The following MROH2B variants were observed in gnomAD, a reference collection of about 807,000 sequenced individuals.
MROH2B encodes maestro heat-like repeat-containing protein family member 2B.
Under a neutral mutation model 208.6 loss-of-function variants are expected in MROH2B, and 177 were observed. The ratio of observed to expected loss-of-function variants is 0.85; its 90% confidence interval spans 0.75 to 0.96. The LOEUF (loss-of-function observed/expected upper bound fraction) is 0.96, where lower values mean the gene tolerates loss of function less well. Ranked by LOEUF, MROH2B falls within the 40% of genes least tolerant of loss-of-function variation. The pLI, the probability that MROH2B is intolerant of heterozygous loss-of-function variation, is 0.00. For missense variants in MROH2B, 2,002 were observed against 1,878.7 expected, an observed-to-expected ratio of 1.07 and a Z score of -1.21; for synonymous variants, 728 against 659.0, an observed-to-expected ratio of 1.10 and a Z score of -1.60.
intron 35 of MROH2B, 110 bp downstream of exon 35, chr5:41,005,421 C>CCT: frequency 4.6e-6 from 1 of 216,650 alleles, no homozygotes; most frequent in South Asian, 4.5e-5. Context: ...AAACCCCCCC[C>CCT]CCCCTTGAAG....
rs1266216138 is a variant in MROH2B, at chr5:41,055,940, GAAGATTATCC to G, written c.920-95_920-86del. ...GAATGGGAGGAGGGAAATTCACCAT[GAAGATTATCC>G]AAGGCACTCTTCAGTTGGTAATTTG... On this transcript the variant is annotated intron_variant, in intron 9 of 41. Transcript: ENST00000399564. 6.4e-6 allele frequency: 6 copies of G among 930,654 alleles called. No homozygotes were observed. In the East Asian group the frequency reaches 1.4e-4, roughly 22 times the overall value. The allele number at this position is 930,654 out of a possible 1,614,324, so 57.6% of individuals were successfully genotyped here. A position where few individuals can be genotyped will look rare whatever the true frequency, so the allele number is the denominator to read the frequency against.
chr5:41,049,366 C>A lies in MROH2B; in HGVS notation c.1415G>T (p.Ser472Ile). 6.2e-7 allele frequency: 1 copy of A among 1,613,744 alleles called. No homozygotes were observed. The highest frequency in any genetic ancestry group is 1.7e-4 in the Middle Eastern group (1 of 6,056). The change falls in exon 14 of 42, where the codon AGT (serine) becomes ATT (isoleucine). Residue 472 changes from serine to isoleucine, a missense_variant. Physicochemically the swap from Ser to Ile is moderately radical, Grantham distance 142. Coordinates refer to ENST00000399564, the MANE Select transcript of MROH2B (RefSeq NM_173489.5). ...TGCCATAATCAGAATTCTGATGATA[C>A]TAAACAGGGGCTCCAGAGCTTCTGT... is the stretch of plus-strand genomic sequence containing the variant. The part of the protein sequence containing the change: ...EYTEALEPLF[S>I]IIRILIMAEE...
intron 3 of MROH2B, among the ~76,000 whole-genome samples, chr5:41,065,856 C>T (rs984554312): frequency 2.6e-5 from 4 of 152,174 alleles, no homozygotes; most frequent in African/African-American, 9.6e-5. Context: ...GCAGCCTGTT[C>T]TCTACTATAC....
chr5:41,022,409 G>A (rs1332395368), intron 24 of MROH2B, among the ~76,000 whole-genome samples: 5 of 152,308 alleles, frequency 3.3e-5, no homozygotes, highest in Non-Finnish European at 7.3e-5. Flanking sequence ...TATATCCCGC[G>A]CCTGGCTTGG....
rs1244693115 is a variant in MROH2B, at chr5:41,015,447, AC to A, written c.2915del (p.Gly972ValfsTer21). ...GIHLEVERLQ[G>X]LQEGLESDDV... ...CATCACTTTCCAGCCCTTCCTGCAA[AC>A]CCTGCAGTCTTTCCACTTCCAAGTG... On this transcript the variant is annotated frameshift_variant, in exon 29 of 42. Coordinates refer to ENST00000399564, the MANE Select transcript of MROH2B (RefSeq NM_173489.5). LOFTEE classifies it high-confidence loss of function. 2.5e-6 allele frequency: 4 copies of A among 1,613,536 alleles called. No homozygotes were observed. Among genetic ancestry groups the A allele is most frequent in the Non-Finnish European group, 3.4e-6 (4 of 1,179,660 alleles).
intron 24 of MROH2B, among the ~76,000 whole-genome samples, chr5:41,021,472 C>A (rs1561283765): frequency 1.3e-5 from 2 of 152,090 alleles, no homozygotes; most frequent in Non-Finnish European, 2.9e-5. Flanking sequence ...TCTAGAGACC[C>A]CAAATAGCCA....
At chr5:41,005,312 G>A in intron 35 of MROH2B, 1 of 542,328 alleles carries the variant, frequency 1.8e-6, no homozygotes, top group Non-Finnish European at 3.3e-6. Flanking sequence ...TCTGCCTTCT[G>A]CAAACTAGAG....
At chr5:41,061,267 T>C (rs1158243950) in intron 6 of MROH2B, among the ~76,000 whole-genome samples, 1 of 152,208 alleles carries the variant, frequency 6.6e-6, no homozygotes, top group Non-Finnish European at 1.5e-5. Flanking sequence ...TTATTGATTG[T>C]TCTTTCCACA....
intron 21 of MROH2B, 148 bp from the exon 22 acceptor site, chr5:41,034,012 G>A: frequency 8.0e-7 from 1 of 1,254,500 alleles, no homozygotes; most frequent in Non-Finnish European, 1.0e-6. Context: ...CCAAGGGGAG[G>A]GGGGCAATTC....
chr5:41,011,308 T>C (rs1208748395), intron 30 of MROH2B, among the ~76,000 whole-genome samples: 1 of 152,220 alleles, frequency 6.6e-6, no homozygotes, highest in Non-Finnish European at 1.5e-5. Flanking sequence ...CCATTTATGA[T>C]TACCACAGAT....
chr5:41,014,184 A>G (rs1023259531), intron 29 of MROH2B, among the ~76,000 whole-genome samples: 1 of 152,208 alleles, frequency 6.6e-6, no homozygotes, highest in African/African-American at 2.4e-5. Context: ...GAAAATTGCC[A>G]TAACACCAAT....
chr5:41,021,429 T>G (rs1466136136), intron 24 of MROH2B, among the ~76,000 whole-genome samples: 1 of 152,162 alleles, frequency 6.6e-6, no homozygotes, highest in Non-Finnish European at 1.5e-5. Context: ...TTTGTAGAAA[T>G]AGAAAAATTC....
chr5:41,046,211 T>C (rs1040375332), intron 17 of MROH2B, among the ~76,000 whole-genome samples: 7 of 151,534 alleles, frequency 4.6e-5, no homozygotes, highest in African/African-American at 1.7e-4. Flanking sequence ...TTGTTGATAT[T>C]AACTTAACTG....
In MROH2B at chr5:41,004,892, T is replaced by A. The variant is rs1262769875; in HGVS notation, c.3893A>T (p.His1298Leu). 6.2e-7 allele frequency: 1 copy of A among 1,613,990 alleles called. No individual in the cohort carries two copies. Residue 1298 changes from histidine (H) to leucine (L), a missense_variant, in exon 36 of 42, where the codon CAT becomes CTT. Transcript: ENST00000399564. ...GATCAGCACATTTCGCAGATTCCCA[T>A]GCTTCCAAAGGATTGGTTCCTTCAT... is the stretch of plus-strand genomic sequence containing the variant. ...ELMKEPILWK[H>L]GNLRNVLILM... is the part of the protein sequence containing the mutation.
chr5:41,070,975 A>G lies in MROH2B; in HGVS notation c.-123T>C, dbSNP rs1000979346. Reference sequence around the variant, plus strand: ...AGGTTCACATAAGCCTCTCTAAATGAAAGTGCCTCCTCCACTTGATTGGCA... The same window carrying G: ...AGGTTCACATAAGCCTCTCTAAATGGAAGTGCCTCCTCCACTTGATTGGCA... On this transcript the variant is annotated 5_prime_UTR_variant, in exon 1 of 42. Coordinates refer to ENST00000399564, the MANE Select transcript of MROH2B (RefSeq NM_173489.5). 3.8e-5 allele frequency: 35 copies of G among 922,924 alleles called. No homozygotes were observed. The Middle Eastern group carries it at 7.2e-4, about 19-fold the overall frequency. 57.2% of individuals were successfully genotyped at this position (922,924 alleles called of 1,614,324 possible). A position where few individuals can be genotyped will look rare whatever the true frequency, so the allele number is the denominator to read the frequency against.
intron 21 of MROH2B, among the ~76,000 whole-genome samples, chr5:41,036,158 C>A (rs1742752841): frequency 6.6e-6 from 1 of 151,666 alleles, no homozygotes; most frequent in Non-Finnish European, 1.5e-5. Flanking sequence ...ACACACCCCA[C>A]ATTTATACAT....
At chr5:41,018,290 T>C in intron 27 of MROH2B, 51 bp downstream of exon 27, 1 of 1,532,054 alleles carries the variant, frequency 6.5e-7, no homozygotes, top group South Asian at 1.2e-5. Context: ...ATCTCAGAGA[T>C]CCCTGCTGTT....
chr5:41,006,022 A>G, intron 34 of MROH2B, among the ~76,000 whole-genome samples: 1 of 128,298 alleles, frequency 7.8e-6, no homozygotes, highest in Non-Finnish European at 1.6e-5. Context: ...GAAGAGTAAG[A>G]TTCTGTCTCC....
At position 41,055,833 on chromosome 5, in the gene MROH2B, C is replaced by T. The variant is rs768758722; in HGVS notation, c.942G>A (p.Leu314=). ...LILAHSNPGE[L]MEFFDEQVRS... ...TTACTTGTTCATCAAAAAATTCCAT[C>T]AGCTCTCCAGGATTGGAATGGGCTG... is the stretch of plus-strand genomic sequence containing the variant. Residue 314 remains leucine, a synonymous_variant, in exon 10 of 42, where the codon CTG becomes CTA. Coordinates refer to ENST00000399564, the MANE Select transcript of MROH2B (RefSeq NM_173489.5). 1.9e-6 allele frequency: 3 copies of T among 1,613,678 alleles called. No individual in the cohort carries two copies. The highest frequency in any genetic ancestry group is 2.2e-5 in the East Asian group (1 of 44,856).
Sources: gnomAD v4.1 joint callset for allele counts (sites outside exome capture counted in the v4.1 genomes callset) on GRCh38, gnomAD v4.1.1 for gene constraint, MANE v1.5 for transcripts, NCBI Gene and HGNC (gene_info 2026-07-23, HGNC 2026-07-21) for gene names.